BABAM2: variants seen among roughly 807,000 people sequenced by gnomAD.
The protein encoded by BABAM2 is BRISC and BRCA1-A complex member 2.
Under a neutral mutation model 54.7 loss-of-function variants are expected in BABAM2, and 31 were observed. The observed-to-expected ratio is 0.57, with a 90% confidence interval of 0.43 to 0.77. BABAM2 has a LOEUF of 0.77. Ranked by LOEUF, BABAM2 falls within the 30% of genes least tolerant of loss-of-function variation. The pLI, the probability that BABAM2 is intolerant of heterozygous loss-of-function variation, is 0.00. For missense variants in BABAM2, 364 were observed against 455.8 expected, an observed-to-expected ratio of 0.80 and a Z score of 1.83; for synonymous variants, 167 against 162.9, an observed-to-expected ratio of 1.03 and a Z score of -0.19.
chr2:28,167,390 T>C (rs1206780200), intron 7 of BABAM2, among the ~76,000 whole-genome samples: 3 of 152,214 alleles, frequency 2.0e-5, no homozygotes, highest in Non-Finnish European at 2.9e-5. Flanking sequence ...AATAACGGGT[T>C]ATTTTTAAAT....
intron 11 of BABAM2, chr2:28,308,532 AAC>A: frequency 1.9e-6 from 1 of 514,984 alleles, no homozygotes; most frequent in Admixed American, 2.0e-5. Context: ...GGCCAAAGCC[AAC>A]ACCCTGATCA....
At chr2:28,141,734 A>G (rs1671080710) in intron 7 of BABAM2, among the ~76,000 whole-genome samples, 1 of 152,078 alleles carries the variant, frequency 6.6e-6, no homozygotes, top group African/African-American at 2.4e-5. Flanking sequence ...TAGCTCTCAG[A>G]TTTTCCATGA....
chr2:27,964,452 G>A (rs2148437346), intron 3 of BABAM2, among the ~76,000 whole-genome samples: 1 of 152,306 alleles, frequency 6.6e-6, no homozygotes, highest in East Asian at 1.9e-4. Flanking sequence ...AAAATTATCT[G>A]CGATGTATAG....
At chr2:27,944,605 A>G (rs1331804108) in intron 3 of BABAM2, among the ~76,000 whole-genome samples, 1 of 152,030 alleles carries the variant, frequency 6.6e-6, no homozygotes, top group Non-Finnish European at 1.5e-5. Flanking sequence ...GCTGTACCAC[A>G]GTTTTTTATT....
chr2:28,060,264 T>G (rs1184643162), intron 6 of BABAM2, among the ~76,000 whole-genome samples: 1 of 152,074 alleles, frequency 6.6e-6, no homozygotes, highest in Non-Finnish European at 1.5e-5. Context: ...ATTATCTCAA[T>G]AGACATAGAA....
intron 6 of BABAM2, among the ~76,000 whole-genome samples, chr2:28,119,359 G>C (rs916131827): frequency 2.0e-5 from 3 of 152,162 alleles, no homozygotes; most frequent in African/African-American, 7.2e-5. Context: ...CTTCCAGTGA[G>C]GACCCTGGCT....
intron 11 of BABAM2, among the ~76,000 whole-genome samples, chr2:28,306,281 G>GT (rs908709741): frequency 3.9e-5 from 6 of 152,154 alleles, no homozygotes; most frequent in African/African-American, 1.2e-4. Context: ...GCTCTTTACT[G>GT]TTTTTTTATG....
At chr2:28,294,240 C>T (rs573832428) in intron 10 of BABAM2, among the ~76,000 whole-genome samples, 1 of 152,212 alleles carries the variant, frequency 6.6e-6, no homozygotes, top group East Asian at 1.9e-4. Flanking sequence ...ATTAGCTGGG[C>T]ATGACGGCAG....
At chr2:28,319,474 C>T (rs567630000) in intron 11 of BABAM2, among the ~76,000 whole-genome samples, 18 of 152,228 alleles carry the variant, frequency 1.2e-4, no homozygotes, top group Admixed American at 2.6e-4. Context: ...CAGCTCCCTG[C>T]GCCTCTTGTA....
chr2:28,313,918 G>A (rs186194225), intron 11 of BABAM2, among the ~76,000 whole-genome samples: 32 of 152,252 alleles, frequency 2.1e-4, no homozygotes, highest in African/African-American at 7.2e-4. Context: ...AGTACAGTCC[G>A]AATTGCAAAG....
At chr2:28,209,861 T>A (rs1159217066) in intron 7 of BABAM2, among the ~76,000 whole-genome samples, 2 of 152,308 alleles carry the variant, frequency 1.3e-5, no homozygotes, top group African/African-American at 4.8e-5. Flanking sequence ...TAAAATTATT[T>A]AGTAAAATAA....
chr2:28,292,516 A>G (rs571633906), intron 10 of BABAM2, among the ~76,000 whole-genome samples: 2 of 152,174 alleles, frequency 1.3e-5, no homozygotes, highest in Non-Finnish European at 2.9e-5. Flanking sequence ...CCCTATTATA[A>G]GAGGTTTAAT....
At chr2:28,265,195 G>A (rs957922551) in intron 10 of BABAM2, among the ~76,000 whole-genome samples, 1 of 152,168 alleles carries the variant, frequency 6.6e-6, no homozygotes, top group Non-Finnish European at 1.5e-5. Context: ...CCAGCACTTT[G>A]GGAGGCCGAG....
Position 28,322,454 on chromosome 2 carries a change from C to T in BABAM2, c.1089-15996C>T, listed in dbSNP as rs1690098914. On this transcript the variant is annotated intron_variant, in intron 11 of 11. Transcript: ENST00000379624. The surrounding 1 kb of genome is among the most constrained non-coding windows in gnomAD (Gnocchi z 4.1). ...TTCGGGAGAGAGAAGAACCCTGTAA[C>T]TCTTAGAGGCGCCTTTGAGCAACGC... 1.3e-5 allele frequency among the ~76,000 whole-genome samples: 2 copies of T among 152,254 alleles called. No homozygotes were observed. Among genetic ancestry groups the T allele is most frequent in the South Asian group, 4.1e-4 (2 of 4,832 alleles).
At chr2:27,998,107 C>T (rs1351919711) in intron 4 of BABAM2, among the ~76,000 whole-genome samples, 1 of 152,006 alleles carries the variant, frequency 6.6e-6, no homozygotes, top group Non-Finnish European at 1.5e-5. Flanking sequence ...GATCCAAGAT[C>T]ATGCCACTGC....
At chr2:28,130,579 A>G (rs1669940121) in intron 7 of BABAM2, among the ~76,000 whole-genome samples, 1 of 151,838 alleles carries the variant, frequency 6.6e-6, no homozygotes, top group Admixed American at 6.6e-5. Context: ...CAGTCTCCCA[A>G]GTGGCTAGGA....
intron 6 of BABAM2, among the ~76,000 whole-genome samples, chr2:28,072,633 C>G (rs1664269253): frequency 6.6e-6 from 1 of 152,322 alleles, no homozygotes; most frequent in Middle Eastern, 3.4e-3. Flanking sequence ...GATCCGCCCG[C>G]CTCAGCCTCC....
intron 7 of BABAM2, among the ~76,000 whole-genome samples, chr2:28,130,251 TG>T (rs1367749872): frequency 6.6e-6 from 1 of 152,230 alleles, no homozygotes. Flanking sequence ...GTAAAAATAC[TG>T]AGCCATTTTT....
At chr2:28,285,173 G>A (rs965606962) in intron 10 of BABAM2, among the ~76,000 whole-genome samples, 5 of 152,088 alleles carry the variant, frequency 3.3e-5, no homozygotes, top group South Asian at 2.1e-4. Context: ...ACTGTATGGC[G>A]TGCTTTACCT....
Sources: allele counts gnomAD v4.1 joint callset (sites outside exome capture counted in the v4.1 genomes callset), GRCh38; gene constraint gnomAD v4.1.1; non-coding constraint Gnocchi (gnomAD v3.1); transcripts MANE v1.5; gene names NCBI Gene and HGNC (gene_info 2026-07-23, HGNC 2026-07-21).